CERS3: variants seen among roughly 807,000 people sequenced by gnomAD.
The protein encoded by CERS3 is ceramide synthase 3, also known as LAG1 homolog, ceramide synthase 3.
CERS3 carries 33 observed loss-of-function variants against 50.3 expected under a neutral mutation model. The observed-to-expected ratio is 0.66, with a 90% confidence interval of 0.50 to 0.88. The LOEUF (loss-of-function observed/expected upper bound fraction) is 0.88, where lower values mean the gene tolerates loss of function less well. Ranked by LOEUF, CERS3 falls within the 40% of genes least tolerant of loss-of-function variation. The probability of loss-of-function intolerance (pLI) is 0.00; values close to 1 mark genes in which losing one functional copy is unlikely to be tolerated. For synonymous variants in CERS3, 176 were observed against 155.2 expected (o/e 1.13, Z -0.99); for missense variants, 470 against 460.3 (o/e 1.02, Z -0.19).
At chr15:100,455,782 G>C in intron 11 of CERS3, 111 bp downstream of exon 11, 1 of 754,560 alleles carries the variant, frequency 1.3e-6, no homozygotes, top group Non-Finnish European at 1.9e-6. Context: ...ATAAAATCAA[G>C]AAAAAAGAAT....
chr15:100,453,405 G>A lies in CERS3; in HGVS notation c.999+2488C>T, dbSNP rs956927162. 1.9e-4 allele frequency among the ~76,000 whole-genome samples: 29 copies of A among 152,094 alleles called. 1 individual carries two copies. The highest frequency in any genetic ancestry group is 1.2e-3 in the Admixed American group (19 of 15,276). On this transcript the variant is annotated intron_variant, in intron 11 of 11. Coordinates refer to ENST00000679737, the MANE Select transcript of CERS3 (RefSeq NM_001378789.1). ...ACAGAATGTAGAATAAAATCTATAT[G>A]ATCATCTCAATAGACGCAGAAAAAG...
intron 11 of CERS3, among the ~76,000 whole-genome samples, chr15:100,425,236 C>T (rs748326273): frequency 6.8e-4 from 103 of 152,292 alleles, no homozygotes; most frequent in Non-Finnish European, 6.9e-4. Flanking sequence ...AGTGGAGCTG[C>T]GAGAAGAGGG....
At chr15:100,453,404 T>C (rs2165755) in intron 11 of CERS3, among the ~76,000 whole-genome samples, 141,052 of 152,234 alleles carry the variant, frequency 0.93, 65,695 homozygotes, top group Middle Eastern at 0.98. Flanking sequence ...AAAATCTATA[T>C]GATCATCTCA....
chr15:100,433,476 G>A (rs2033236062), intron 11 of CERS3, among the ~76,000 whole-genome samples: 1 of 152,096 alleles, frequency 6.6e-6, no homozygotes, highest in Non-Finnish European at 1.5e-5. Context: ...TCTCTAGATG[G>A]CAGCCCATAT....
At chr15:100,402,889 G>C (rs749548192) in intron 11 of CERS3, 24 bp from the exon 12 acceptor site, 73 of 1,562,724 alleles carry the variant, frequency 4.7e-5, no homozygotes, top group Non-Finnish European at 5.9e-5. Context: ...AGAATTGGCT[G>C]TGAGTGACAA....
chr15:100,484,991 C>T (rs1458116257), intron 4 of CERS3, among the ~76,000 whole-genome samples: 1 of 152,170 alleles, frequency 6.6e-6, no homozygotes, highest in Non-Finnish European at 1.5e-5. Context: ...TCCCAGGCGC[C>T]AGGTAGAGTA....
At chr15:100,544,465 C>T (rs76224223) in intron 1 of CERS3, 4,968 of 117,860 alleles carry the variant, frequency 0.042, 286 homozygotes, top group African/African-American at 0.099. Flanking sequence ...CCTAGGTCTG[C>T]GCGGGGACAC....
intron 11 of CERS3, among the ~76,000 whole-genome samples, chr15:100,405,057 G>T (rs2030881617): frequency 6.6e-6 from 1 of 151,912 alleles, no homozygotes; most frequent in African/African-American, 2.4e-5. Flanking sequence ...CTTAAACACG[G>T]CACTAAAAAC....
chr15:100,484,273 T>C (rs2035419324), intron 5 of CERS3, among the ~76,000 whole-genome samples: 1 of 152,164 alleles, frequency 6.6e-6, no homozygotes, highest in Non-Finnish European at 1.5e-5. Context: ...GTACATAACA[T>C]CTCCTGTTCA....
chr15:100,482,213 AT>A (rs2035325018), intron 5 of CERS3, among the ~76,000 whole-genome samples: 1 of 152,140 alleles, frequency 6.6e-6, no homozygotes, highest in East Asian at 1.9e-4. Flanking sequence ...AACTTCTTTT[AT>A]TTTTTTCCAG....
At chr15:100,406,432 T>G (rs2031029136) in intron 11 of CERS3, among the ~76,000 whole-genome samples, 1 of 152,230 alleles carries the variant, frequency 6.6e-6, no homozygotes, top group African/African-American at 2.4e-5. Flanking sequence ...CCTCTGTGTG[T>G]AATCTGAACA....
At chr15:100,430,771 T>C (rs189697996) in intron 11 of CERS3, among the ~76,000 whole-genome samples, 163 of 152,360 alleles carry the variant, frequency 1.1e-3, no homozygotes, top group African/African-American at 3.7e-3. Context: ...CATTCCTTTT[T>C]GTTATATAGG....
At chr15:100,482,792 A>G (rs2035353188) in intron 5 of CERS3, among the ~76,000 whole-genome samples, 1 of 152,140 alleles carries the variant, frequency 6.6e-6, no homozygotes, top group Admixed American at 6.6e-5. Context: ...AGCTGGGGTT[A>G]AGAAATAAGC....
Position 100,400,974 on chromosome 15 carries a change from CAGAA to C in CERS3, c.*1735_*1738del, listed in dbSNP as rs545661391. 2 of 152,222 alleles carry C rather than the reference CAGAA, an allele frequency of 1.3e-5. No homozygotes were observed. Among genetic ancestry groups the C allele is most frequent in the South Asian group, 2.1e-4 (1 of 4,818 alleles). 9.4% of individuals were successfully genotyped at this position (152,222 alleles called of 1,614,324 possible). On this transcript the variant is annotated 3_prime_UTR_variant, in exon 12 of 12. Coordinates refer to ENST00000679737, the MANE Select transcript of CERS3 (RefSeq NM_001378789.1). ...TCTGACCTTGTTTGTAACAATTTCT[CAGAA>C]AGAGATATTGTTGTGGAAAGAATTC... is the stretch of plus-strand genomic sequence containing the variant.
Position 100,479,112 on chromosome 15 carries a change from AT to A in CERS3, c.516+315del, listed in dbSNP as rs1043166574. On this transcript the variant is annotated intron_variant, in intron 7 of 11. Transcript: ENST00000679737. Reference sequence around the variant, plus strand: ...AATATAAGGGATGAAAAAGAATAGTATTTTTTTTAATTACTTGACTGTCCCA... The same window carrying A: ...AATATAAGGGATGAAAAAGAATAGTATTTTTTTAATTACTTGACTGTCCCA... Among the ~76,000 whole-genome samples, 6 of 152,156 alleles carry A rather than the reference AT, an allele frequency of 3.9e-5. No homozygotes were observed. In the South Asian group the frequency reaches 6.2e-4, roughly 16 times the overall value.
At chr15:100,440,794 C>T (rs910642043) in intron 11 of CERS3, among the ~76,000 whole-genome samples, 1 of 152,232 alleles carries the variant, frequency 6.6e-6, no homozygotes, top group African/African-American at 2.4e-5. Flanking sequence ...GAACCTCTCT[C>T]GCTATCCCTC....
chr15:100,425,204 A>C (rs954179719), intron 11 of CERS3, among the ~76,000 whole-genome samples: 2 of 152,218 alleles, frequency 1.3e-5, no homozygotes, highest in African/African-American at 4.8e-5. Flanking sequence ...CCCCACACAG[A>C]GTTCCTACCA....
chr15:100,476,112 T>G lies in CERS3; in HGVS notation c.583A>C (p.Arg195=). 4 of 1,573,160 alleles carry G rather than the reference T, an allele frequency of 2.5e-6. No individual in the cohort carries two copies. The highest frequency in any genetic ancestry group is 3.4e-6 in the Non-Finnish European group (4 of 1,165,048). ...EMSFYWSLLF[R]LGFDVKRKDF... The stretch of plus-strand genomic sequence containing the variant: ...TTTCTCTTGACATCAAAGCCAAGTC[T>G]AAATAACAGAGACCAATAAAAACTC... Residue 195 remains arginine (R), a synonymous_variant, in exon 8 of 12, where the codon AGA becomes CGA. Coordinates refer to ENST00000679737, the MANE Select transcript of CERS3 (RefSeq NM_001378789.1).
At chr15:100,476,285 T>A in intron 7 of CERS3, 107 bp from the exon 8 acceptor site, 1 of 552,866 alleles carries the variant, frequency 1.8e-6, no homozygotes, top group South Asian at 2.5e-5. Flanking sequence ...CCAGATTCCA[T>A]AAAATAACAT....
Sources: allele counts gnomAD v4.1 joint callset (sites outside exome capture counted in the v4.1 genomes callset), GRCh38; gene constraint gnomAD v4.1.1; transcripts MANE v1.5; gene names NCBI Gene and HGNC (gene_info 2026-07-23, HGNC 2026-07-21).